AK5: variants seen among roughly 807,000 people sequenced by gnomAD.
AK5 encodes the protein adenylate kinase isoenzyme 5.
In AK5, 27 loss-of-function variants were observed where a neutral mutation model predicts 69.5. That is an observed-to-expected ratio of 0.39 (90% CI 0.29 to 0.54). The LOEUF (loss-of-function observed/expected upper bound fraction) is 0.54, where lower values mean the gene tolerates loss of function less well. Among genes scored for constraint, AK5 ranks in the 20% least tolerant of loss-of-function variants. The pLI is 0.71. For missense variants in AK5, 531 were observed against 700.4 expected (o/e 0.76, Z 2.73); for synonymous variants, 260 against 244.4 (o/e 1.06, Z -0.60).
intron 8 of AK5, among the ~76,000 whole-genome samples, chr1:77,480,802 T>C (rs1444424052): frequency 6.6e-6 from 1 of 152,196 alleles, no homozygotes; most frequent in Non-Finnish European, 1.5e-5. Context: ...AAATCCAAAA[T>C]TCCCTGAGAA....
intron 5 of AK5, among the ~76,000 whole-genome samples, chr1:77,334,826 G>C (rs1661266780): frequency 6.6e-6 from 1 of 152,128 alleles, no homozygotes; most frequent in African/African-American, 2.4e-5. Context: ...GTGGGGTTTG[G>C]TGTGGTTACT....
chr1:77,395,736 A>G (rs1223376443), intron 6 of AK5, among the ~76,000 whole-genome samples: 1 of 152,236 alleles, frequency 6.6e-6, no homozygotes, highest in Non-Finnish European at 1.5e-5. Context: ...AACAAAAGTG[A>G]TAGAGAAGGT....
intron 10 of AK5, among the ~76,000 whole-genome samples, chr1:77,504,212 C>T (rs930141926): frequency 3.3e-5 from 5 of 152,238 alleles, no homozygotes; most frequent in African/African-American, 7.2e-5. Context: ...ATTATTTCCC[C>T]CTAAGTCATG....
chr1:77,430,412 G>A (rs1489810842), intron 8 of AK5, among the ~76,000 whole-genome samples: 2 of 152,160 alleles, frequency 1.3e-5, no homozygotes, highest in Non-Finnish European at 2.9e-5. Flanking sequence ...TGTAAAGATA[G>A]GGCATGAGTG....
At chr1:77,392,818 A>G (rs1042628807) in intron 6 of AK5, among the ~76,000 whole-genome samples, 22 of 151,944 alleles carry the variant, frequency 1.4e-4, no homozygotes, top group African/African-American at 4.8e-4. Context: ...ATCTAGTGTT[A>G]ATGTCATTGT....
intron 8 of AK5, among the ~76,000 whole-genome samples, chr1:77,453,273 G>A (rs1043982455): frequency 6.6e-6 from 1 of 152,174 alleles, no homozygotes; most frequent in Non-Finnish European, 1.5e-5. Context: ...AGCACCTAGA[G>A]CAACACATGG....
intron 5 of AK5, among the ~76,000 whole-genome samples, chr1:77,303,102 A>G (rs1191035052): frequency 1.3e-5 from 2 of 152,200 alleles, no homozygotes; most frequent in Non-Finnish European, 2.9e-5. Flanking sequence ...CAGTAGCATA[A>G]TACAGAAACT....
intron 6 of AK5, among the ~76,000 whole-genome samples, chr1:77,358,018 T>TGTGTGTGTGTGTGTGTGTGAGAGA (rs762714026): frequency 4.7e-5 from 6 of 128,178 alleles, no homozygotes; most frequent in East Asian, 2.5e-4. Context: ...TGTGTGTGTG[T>TGTGTGTGTGTGTGTGTGTGAGAGA]GAGAGAGAGA....
At chr1:77,327,251 G>T (rs563692189) in intron 5 of AK5, among the ~76,000 whole-genome samples, 1 of 152,006 alleles carries the variant, frequency 6.6e-6, no homozygotes, top group Non-Finnish European at 1.5e-5. Flanking sequence ...AATAAACTGG[G>T]CATGGTGGCA....
intron 6 of AK5, among the ~76,000 whole-genome samples, chr1:77,368,498 T>C (rs1048509534): frequency 6.6e-6 from 1 of 151,312 alleles, no homozygotes; most frequent in Non-Finnish European, 1.5e-5. Flanking sequence ...CAGCCACCCG[T>C]GTGGACAATC....
At chr1:77,519,985 C>T (rs554529148) in intron 11 of AK5, among the ~76,000 whole-genome samples, 15 of 152,122 alleles carry the variant, frequency 9.9e-5, no homozygotes, top group Non-Finnish European at 1.5e-4. Flanking sequence ...AGGTGAATCA[C>T]GAGGTCAGGA....
intron 13 of AK5, among the ~76,000 whole-genome samples, chr1:77,553,959 A>T (rs569062523): frequency 6.6e-6 from 1 of 152,232 alleles, no homozygotes; most frequent in Non-Finnish European, 1.5e-5. Flanking sequence ...TAAATGCAGC[A>T]TAGCATTATT....
intron 5 of AK5, among the ~76,000 whole-genome samples, chr1:77,308,095 G>T (rs1310102820): frequency 1.3e-5 from 2 of 152,134 alleles, no homozygotes; most frequent in African/African-American, 4.8e-5. Context: ...CTGTAAAGGA[G>T]GTGGGAAATG....
At chr1:77,554,906 A>G (rs191700512) in intron 13 of AK5, among the ~76,000 whole-genome samples, 137 of 151,086 alleles carry the variant, frequency 9.1e-4, no homozygotes, top group African/African-American at 2.7e-3. Flanking sequence ...GTGAGCCACC[A>G]TGCCCAGCCT....
chr1:77,462,343 G>A (rs200650805), intron 8 of AK5, among the ~76,000 whole-genome samples: 1 of 141,924 alleles, frequency 7.0e-6, no homozygotes, highest in Non-Finnish European at 1.6e-5. Context: ...ATGGATGGAT[G>A]GATAGGTGAA....
chr1:77,524,729 A>C (rs137981857), intron 12 of AK5, among the ~76,000 whole-genome samples: 23 of 152,306 alleles, frequency 1.5e-4, no homozygotes, highest in African/African-American at 5.5e-4. Flanking sequence ...TTTGATGCAC[A>C]AAAGCTTTTC....
At chr1:77,365,421 T>C (rs1646933575) in intron 6 of AK5, among the ~76,000 whole-genome samples, 1 of 152,222 alleles carries the variant, frequency 6.6e-6, no homozygotes, top group Admixed American at 6.5e-5. Context: ...GGCAATGTTA[T>C]ACTTTGTTTC....
rs767465345 is a variant in AK5, at chr1:77,417,639, G to A, written c.983G>A (p.Gly328Asp). Residue 328 changes from glycine (G) to aspartate (D), a missense_variant and splice_region_variant, in exon 8 of 14, where the codon GGT becomes GAT. Physicochemically the swap from Gly to Asp is moderately conservative, Grantham distance 94. Coordinates refer to ENST00000354567, the MANE Select transcript of AK5 (RefSeq NM_174858.3). ...CTTATCTTTTCTTTCCTAATCTTAG[G>A]TTCAAGTGACCTTGATCCTTCGATG... Reference protein sequence around the residue: ...KLFPNKEAAAGSSDLDPSMIL... With the variant: ...KLFPNKEAAADSSDLDPSMIL... 4 of 1,601,050 alleles carry A rather than the reference G, an allele frequency of 2.5e-6. No homozygotes were observed. The African/African-American group carries it at 5.4e-5, about 21-fold the overall frequency.
intron 6 of AK5, among the ~76,000 whole-genome samples, chr1:77,387,852 T>G (rs1449470624): frequency 1.3e-5 from 2 of 152,206 alleles, no homozygotes; most frequent in Middle Eastern, 3.2e-3. Flanking sequence ...ACTGAATCAT[T>G]TGAAAAGCAA....
Sources: gnomAD v4.1 joint callset for allele counts (sites outside exome capture counted in the v4.1 genomes callset) on GRCh38, gnomAD v4.1.1 for gene constraint, MANE v1.5 for transcripts, NCBI Gene and HGNC (gene_info 2026-07-23, HGNC 2026-07-21) for gene names.